The following UNC13C variants were observed in gnomAD, a reference collection of about 807,000 sequenced individuals.
UNC13C encodes protein unc-13 homolog C.
A neutral mutation model predicts 245.4 loss-of-function variants in UNC13C; 174 were observed. The ratio of observed to expected loss-of-function variants is 0.71; its 90% CI spans 0.63 to 0.80. The LOEUF (loss-of-function observed/expected upper bound fraction) is 0.80, where lower values mean the gene tolerates loss of function less well. UNC13C is among the 30% of genes least tolerant of loss of function. The probability of loss-of-function intolerance (pLI) is 0.00; values close to 1 mark genes in which losing one functional copy is unlikely to be tolerated. For synonymous variants in UNC13C, 992 were observed against 895.1 expected, an observed-to-expected ratio of 1.11 and a Z score of -1.93; for missense variants, 2,829 against 2,602.9, an observed-to-expected ratio of 1.09 and a Z score of -1.89.
the UNC13C span, among the ~76,000 whole-genome samples, chr15:53,940,607 A>G: frequency 6.6e-6 from 1 of 152,210 alleles, no homozygotes; most frequent in African/African-American, 2.4e-5. Context: ...CTGATCGGCA[A>G]CTTCAGCAAA....
At chr15:54,620,801 A>C (rs1050704899) in intron 30 of UNC13C, among the ~76,000 whole-genome samples, 4 of 140,292 alleles carry the variant, frequency 2.9e-5, no homozygotes, top group African/African-American at 1.0e-4. Context: ...AAAAAAAAAA[A>C]CCTCTCTCCC....
intron 19 of UNC13C, among the ~76,000 whole-genome samples, chr15:54,452,851 C>T (rs8024645): frequency 0.38 from 58,426 of 152,006 alleles, 11,504 homozygotes; most frequent in East Asian, 0.62. Context: ...TGCATGAAAA[C>T]GCACAGCAGC....
In UNC13C at chr15:54,023,437, A is replaced by T. The variant is rs528368413; in HGVS notation, c.2983+7551A>T. On this transcript the variant is annotated intron_variant, in intron 2 of 32. Transcript: ENST00000260323. ...TTACATACTGAGCTCTCTTAATAAA[A>T]GGTGAGTGATAATAGTTTGTGCTAA... Among the ~76,000 whole-genome samples the T allele has an allele frequency of 2.0e-5, 3 of 152,284 alleles. No homozygotes were observed. The East Asian group carries it at 5.8e-4, about 29-fold the overall frequency.
intron 1 of UNC13C, among the ~76,000 whole-genome samples, chr15:53,999,187 G>T (rs1171418747): frequency 1.3e-5 from 2 of 151,782 alleles, no homozygotes; most frequent in East Asian, 3.9e-4. Flanking sequence ...TTCCTTAAAG[G>T]TTTCTAGAAT....
intron 28 of UNC13C, 105 bp from the exon 29 acceptor site, chr15:54,555,327 C>T: frequency 1.2e-6 from 1 of 815,364 alleles, no homozygotes; most frequent in Non-Finnish European, 2.0e-6. Context: ...GAAGATATTT[C>T]AAATAGGAAG....
At chr15:54,507,270 A>G in intron 23 of UNC13C, 76 bp downstream of exon 23, 1 of 989,538 alleles carries the variant, frequency 1.0e-6, no homozygotes, top group Middle Eastern at 2.3e-4. Context: ...TAAGCAAGAT[A>G]AATTGTTGAC....
intron 4 of UNC13C, among the ~76,000 whole-genome samples, chr15:54,152,280 C>T (rs1002444908): frequency 1.3e-5 from 2 of 152,044 alleles, no homozygotes; most frequent in Non-Finnish European, 2.9e-5. Context: ...TGGCAGCTAG[C>T]GGGGCCAATC....
At chr15:54,543,751 G>A (rs931859970) in intron 26 of UNC13C, among the ~76,000 whole-genome samples, 1 of 152,022 alleles carries the variant, frequency 6.6e-6, no homozygotes, top group Admixed American at 6.6e-5. Flanking sequence ...CCAGGAAGAA[G>A]TCAAATCCCT....
At chr15:53,891,859 C>T in the UNC13C span, among the ~76,000 whole-genome samples, 5 of 152,212 alleles carry the variant, frequency 3.3e-5, no homozygotes, top group Non-Finnish European at 7.3e-5. Context: ...AGCCCATTAA[C>T]ATTTAAAGTT....
chr15:54,305,035 C>G (rs7172688), intron 13 of UNC13C, among the ~76,000 whole-genome samples: 128,263 of 152,068 alleles, frequency 0.84, 54,314 homozygotes, highest in South Asian at 0.92. Context: ...AGGTGCACTT[C>G]AATTCTATTC....
intron 2 of UNC13C, among the ~76,000 whole-genome samples, chr15:54,039,282 T>A (rs1294075328): frequency 6.6e-6 from 1 of 152,262 alleles, no homozygotes; most frequent in Non-Finnish European, 1.5e-5. Flanking sequence ...ATCAGAAGTT[T>A]CACATGCTTA....
At chr15:54,049,820 A>G (rs772483360) in intron 2 of UNC13C, 3 of 252,012 alleles carry the variant, frequency 1.2e-5, no homozygotes, top group Non-Finnish European at 2.5e-5. Context: ...TAGGATGCTC[A>G]TGAGATTGTG....
intron 16 of UNC13C, among the ~76,000 whole-genome samples, chr15:54,334,208 A>G (rs2038514839): frequency 6.6e-6 from 1 of 152,096 alleles, no homozygotes; most frequent in Admixed American, 6.6e-5. Context: ...TGTTTTGCCG[A>G]CTTTTTTGCT....
intron 4 of UNC13C, among the ~76,000 whole-genome samples, chr15:54,186,666 A>G (rs2033994294): frequency 6.6e-6 from 1 of 151,874 alleles, no homozygotes; most frequent in South Asian, 2.1e-4. Flanking sequence ...TGTAGTAAGA[A>G]TGGATCAATA....
At chr15:54,051,473 A>G (rs561518507) in intron 2 of UNC13C, among the ~76,000 whole-genome samples, 1 of 151,960 alleles carries the variant, frequency 6.6e-6, no homozygotes, top group Non-Finnish European at 1.5e-5. Flanking sequence ...CCCACTGCTT[A>G]GTCTCTCTAT....
the UNC13C span, among the ~76,000 whole-genome samples, chr15:53,965,647 T>C: frequency 6.6e-6 from 1 of 151,860 alleles, no homozygotes; most frequent in Non-Finnish European, 1.5e-5. Flanking sequence ...ACATGTGCCA[T>C]GTTGGTGTGC....
At chr15:54,281,043 C>T (rs150811926) in intron 10 of UNC13C, among the ~76,000 whole-genome samples, 2,717 of 152,144 alleles carry the variant, frequency 0.018, 87 homozygotes, top group African/African-American at 0.064. Flanking sequence ...AGTGATCCGC[C>T]TGCCTCAGCC....
the UNC13C span, among the ~76,000 whole-genome samples, chr15:53,938,053 T>C: frequency 6.6e-6 from 1 of 152,202 alleles, no homozygotes; most frequent in African/African-American, 2.4e-5. Context: ...TAAATGTAAA[T>C]GGACTAACTG....
intron 2 of UNC13C, among the ~76,000 whole-genome samples, chr15:54,063,371 A>C (rs942030929): frequency 1.3e-5 from 2 of 152,136 alleles, no homozygotes; most frequent in African/African-American, 4.8e-5. Context: ...AGGATGTTAG[A>C]GTCCTTGGAG....
Sources: gnomAD v4.1 joint callset for allele counts (sites outside exome capture counted in the v4.1 genomes callset) on GRCh38, gnomAD v4.1.1 for gene constraint, MANE v1.5 for transcripts, NCBI Gene and HGNC (gene_info 2026-07-23, HGNC 2026-07-21) for gene names.